LHPP: variants seen among roughly 807,000 people sequenced by gnomAD.
LHPP encodes the protein hLHPP.
A neutral mutation model predicts 30.3 loss-of-function variants in LHPP; 24 were observed. That is an observed-to-expected ratio of 0.79 (90% CI 0.57 to 1.11). The LOEUF is 1.11. LHPP is among the 50% of genes most tolerant of loss of function. LHPP has a pLI of 0.00. For missense variants in LHPP, 356 were observed against 367.2 expected, an observed-to-expected ratio of 0.97 and a Z score of 0.25; for synonymous variants, 150 against 157.1, an observed-to-expected ratio of 0.95 and a Z score of 0.34.
intron 1 of LHPP, among the ~76,000 whole-genome samples, chr10:124,473,683 C>T (rs1952857323): frequency 6.6e-6 from 1 of 152,086 alleles, no homozygotes; most frequent in African/African-American, 2.4e-5. Flanking sequence ...TGGGGCGAGG[C>T]GACTCATGCC....
rs78537623 is a variant in LHPP, at chr10:124,608,196, C to T, written c.717-5068C>T. 3.3e-5 allele frequency among the ~76,000 whole-genome samples: 5 copies of T among 152,184 alleles called. No individual in the cohort carries two copies. The East Asian group carries it at 7.7e-4, about 24-fold the overall frequency. ...GACCCTCCTGATCCAGTGCCTGTGC[C>T]GGGCTTCCTCCCCACTCACCCTGTC... On this transcript the variant is annotated intron_variant, in intron 6 of 6. Coordinates refer to ENST00000368842, the MANE Select transcript of LHPP (RefSeq NM_022126.4).
intron 6 of LHPP, among the ~76,000 whole-genome samples, chr10:124,535,947 T>A (rs539936864): frequency 5.3e-5 from 8 of 152,354 alleles, no homozygotes; most frequent in Admixed American, 3.3e-4. Context: ...CCTCCCCTAA[T>A]TCAGCCAGAG....
In LHPP at chr10:124,590,862, C is replaced by T. The variant is rs1282094788; in HGVS notation, c.717-22402C>T. The stretch of plus-strand genomic sequence containing the variant: ...TGGCTTCGTATCCATCTGGCTGTGC[C>T]CTGTAACTCAAGGGATGGGACTGTG... On this transcript the variant is annotated intron_variant, in intron 6 of 6. Transcript: ENST00000368842. The surrounding 1 kb of genome is among the most constrained non-coding windows in gnomAD (Gnocchi z 4.3). Among the ~76,000 whole-genome samples the T allele has an allele frequency of 6.6e-6, 1 of 152,178 alleles. No homozygotes were observed. Among genetic ancestry groups the T allele is most frequent in the African/African-American group, 2.4e-5 (1 of 41,448 alleles).
At chr10:124,475,413 T>C (rs1045872739) in intron 1 of LHPP, among the ~76,000 whole-genome samples, 4 of 148,958 alleles carry the variant, frequency 2.7e-5, no homozygotes, top group Admixed American at 2.7e-4. Context: ...TAGTGGCGGG[T>C]GCCTGTAATC....
chr10:124,540,899 G>A (rs868759726), intron 6 of LHPP, among the ~76,000 whole-genome samples: 4 of 152,024 alleles, frequency 2.6e-5, no homozygotes, highest in Admixed American at 6.5e-5. Flanking sequence ...CTGGACACAC[G>A]ATGCCTTTAG....
At chr10:124,564,986 A>G (rs1948465536) in intron 6 of LHPP, among the ~76,000 whole-genome samples, 1 of 152,222 alleles carries the variant, frequency 6.6e-6, no homozygotes, top group South Asian at 2.1e-4. Context: ...TGAGAATGAT[A>G]CAGTGGACTT....
chr10:124,578,640 G>A (rs1948701147), intron 6 of LHPP, among the ~76,000 whole-genome samples: 1 of 152,242 alleles, frequency 6.6e-6, no homozygotes, highest in Non-Finnish European at 1.5e-5. Context: ...AACTGTGTGT[G>A]TGGCAGGTGC....
At chr10:124,519,206 C>T (rs900842903) in intron 6 of LHPP, among the ~76,000 whole-genome samples, 2 of 152,202 alleles carry the variant, frequency 1.3e-5, no homozygotes, top group Non-Finnish European at 2.9e-5. Context: ...CCTCTTCCTC[C>T]GGAAGTGCTG....
intron 1 of LHPP, among the ~76,000 whole-genome samples, chr10:124,480,847 T>G (rs932815410): frequency 2.6e-5 from 4 of 152,226 alleles, no homozygotes; most frequent in Non-Finnish European, 5.9e-5. Context: ...TCAGCAGATC[T>G]ACAGATTTCT....
intron 6 of LHPP, among the ~76,000 whole-genome samples, chr10:124,559,227 G>A (rs1477718567): frequency 6.6e-6 from 1 of 152,238 alleles, no homozygotes; most frequent in Non-Finnish European, 1.5e-5. Flanking sequence ...GACACTCTAT[G>A]GGGGTGGCTT....
chr10:124,567,008 A>G (rs1296239493), intron 6 of LHPP, among the ~76,000 whole-genome samples: 1 of 152,202 alleles, frequency 6.6e-6, no homozygotes, highest in Admixed American at 6.5e-5. Context: ...CCACAGAGGC[A>G]GGCCCTGCTC....
chr10:124,547,012 T>C (rs544529454), intron 6 of LHPP, among the ~76,000 whole-genome samples: 3 of 126,958 alleles, frequency 2.4e-5, no homozygotes, highest in African/African-American at 9.3e-5. Context: ...CCTTCAGGCT[T>C]CTTTTTCTGC....
rs547594201 is a variant in LHPP, at chr10:124,559,015, G to A, written c.716+41744G>A. Among the ~76,000 whole-genome samples the A allele has an allele frequency of 1.3e-5, 2 of 152,324 alleles. 1 individual carries two copies. Among genetic ancestry groups the A allele is most frequent in the South Asian group, 4.1e-4 (2 of 4,830 alleles). On this transcript the variant is annotated intron_variant, in intron 6 of 6. Transcript: ENST00000368842. ...GCTTCCTGCACCCGGGACAGCCCCAGTGGCCAGGCCTGGCCCTATTCTCCC... is the reference window on the plus strand; with the variant it reads ...GCTTCCTGCACCCGGGACAGCCCCAATGGCCAGGCCTGGCCCTATTCTCCC...
At chr10:124,589,115 C>T (rs542479702) in intron 6 of LHPP, among the ~76,000 whole-genome samples, 7 of 152,292 alleles carry the variant, frequency 4.6e-5, no homozygotes, top group South Asian at 2.1e-4. Context: ...ATGCTTCTGC[C>T]GGGACTCAAG....
intron 6 of LHPP, among the ~76,000 whole-genome samples, chr10:124,602,021 G>A (rs2134012472): frequency 6.6e-6 from 1 of 152,316 alleles, no homozygotes; most frequent in South Asian, 2.1e-4. Flanking sequence ...TCTTCGTAGT[G>A]CCCCAGCTCC....
At chr10:124,536,123 G>A (rs1304795884) in intron 6 of LHPP, among the ~76,000 whole-genome samples, 1 of 152,236 alleles carries the variant, frequency 6.6e-6, no homozygotes, top group African/African-American at 2.4e-5. Flanking sequence ...GCTGGGGCCG[G>A]CACTGGGTCC....
At chr10:124,568,973 C>T (rs1335728673) in intron 6 of LHPP, among the ~76,000 whole-genome samples, 1 of 152,158 alleles carries the variant, frequency 6.6e-6, no homozygotes, top group Non-Finnish European at 1.5e-5. Flanking sequence ...AGCGTGCTCC[C>T]AGCGCCCTCC....
At chr10:124,544,385 A>T (rs1450677076) in intron 6 of LHPP, among the ~76,000 whole-genome samples, 1 of 152,178 alleles carries the variant, frequency 6.6e-6, no homozygotes, top group Non-Finnish European at 1.5e-5. Context: ...CCCAGGGGTC[A>T]GGAGCAGACT....
Position 124,517,308 on chromosome 10 carries a change from C to G in LHPP, c.716+37C>G, listed in dbSNP as rs1393297063. ...CTGGAGTCATTTATTCACCTTCCTT[C>G]CAGGGGATGACCACATTCTCATTCT... On this transcript the variant is annotated intron_variant, in intron 6 of 6. Transcript: ENST00000368842. The surrounding 1 kb of genome is among the most constrained non-coding windows in gnomAD (Gnocchi z 4.1). The G allele has an allele frequency of 7.6e-7, 1 of 1,321,696 alleles. No individual in the cohort carries two copies. The highest frequency in any genetic ancestry group is 1.0e-6 in the Non-Finnish European group (1 of 954,972). 81.9% of individuals were successfully genotyped at this position (1,321,696 alleles called of 1,614,324 possible).
Sources: gnomAD v4.1 joint callset for allele counts (sites outside exome capture counted in the v4.1 genomes callset) on GRCh38, gnomAD v4.1.1 for gene constraint, Gnocchi (gnomAD v3.1) non-coding constraint, MANE v1.5 for transcripts, NCBI Gene and HGNC (gene_info 2026-07-23, HGNC 2026-07-21) for gene names.